Variants in C9orf153 observed in about 807,000 individuals in gnomAD.
C9orf153 encodes the protein uncharacterized protein C9orf153.
A neutral mutation model predicts 9.0 loss-of-function variants in C9orf153; 10 were observed. The ratio of observed to expected loss-of-function variants is 1.11; its 90% CI spans 0.69 to 1.89. C9orf153 has a LOEUF of 1.89. Among genes scored for constraint, C9orf153 ranks in the 40% most tolerant of loss-of-function variants. The probability of loss-of-function intolerance (pLI) is 0.00; values close to 1 mark genes in which losing one functional copy is unlikely to be tolerated. For synonymous variants in C9orf153, 35 were observed against 37.3 expected (o/e 0.94, Z 0.23); for missense variants, 108 against 111.0 (o/e 0.97, Z 0.12).
In C9orf153 at chr9:86,224,940, C is replaced by CAAAA. The variant is rs35723282; in HGVS notation, c.242+2911_242+2914dup. Among the ~76,000 whole-genome samples, 396 of 73,856 alleles carry CAAAA rather than the reference C, an allele frequency of 5.4e-3. 14 individuals carry two copies. Among genetic ancestry groups the CAAAA allele is most frequent in the African/African-American group, 0.021 (380 of 17,830 alleles). The allele number at this position is 73,856 out of a possible 152,430, so 48.5% of individuals were successfully genotyped here. ...TGGGCAACAGAGCGAGACTCCGTCTCAAAAAAAAAAAAAAAAAAAAGCATT... is the reference window on the plus strand; with the variant it reads ...TGGGCAACAGAGCGAGACTCCGTCTCAAAAAAAAAAAAAAAAAAAAAAAAGCATT... On this transcript the variant is annotated intron_variant, in intron 3 of 3. Transcript: ENST00000339137.
At chr9:86,251,942 C>CGA (rs1554686420) in intron 1 of C9orf153, among the ~76,000 whole-genome samples, 27 of 149,746 alleles carry the variant, frequency 1.8e-4, no homozygotes, top group African/African-American at 3.0e-4. Context: ...CACACACACA[C>CGA]GAGAGAGAGA....
chr9:86,224,125 G>A (rs549468031), intron 3 of C9orf153, among the ~76,000 whole-genome samples: 26 of 152,208 alleles, frequency 1.7e-4, no homozygotes, highest in Admixed American at 3.9e-4. Context: ...AGTGGCTCAC[G>A]CCTGTAATCC....
chr9:86,240,169 A>T (rs529564392), intron 1 of C9orf153, among the ~76,000 whole-genome samples: 4 of 152,162 alleles, frequency 2.6e-5, no homozygotes, highest in Non-Finnish European at 2.9e-5. Context: ...ATGTACAATT[A>T]TAATCCCCAT....
At chr9:86,233,324 A>C (rs996656338) in intron 1 of C9orf153, among the ~76,000 whole-genome samples, 19 of 152,204 alleles carry the variant, frequency 1.2e-4, no homozygotes, top group Non-Finnish European at 2.8e-4. Flanking sequence ...AATGACATTT[A>C]GCTTCCACCT....
intron 1 of C9orf153, among the ~76,000 whole-genome samples, chr9:86,245,005 C>T (rs1377758623): frequency 6.6e-6 from 1 of 152,188 alleles, no homozygotes. Context: ...CAGCTCACTG[C>T]AACCTCCGCC....
intron 1 of C9orf153, among the ~76,000 whole-genome samples, chr9:86,233,393 T>C (rs1406046070): frequency 6.6e-6 from 1 of 152,176 alleles, no homozygotes; most frequent in Non-Finnish European, 1.5e-5. Flanking sequence ...TTATCAATTC[T>C]AGTGTAGTTT....
At chr9:86,251,657 A>G (rs908796045) in intron 1 of C9orf153, among the ~76,000 whole-genome samples, 8 of 152,270 alleles carry the variant, frequency 5.3e-5, no homozygotes, top group African/African-American at 1.9e-4. Context: ...TAAAAAATAG[A>G]TAAACCTAAA....
intron 1 of C9orf153, among the ~76,000 whole-genome samples, chr9:86,243,674 ACATT>A (rs1333100379): frequency 1.3e-5 from 2 of 152,154 alleles, no homozygotes; most frequent in Non-Finnish European, 2.9e-5. Context: ...CCTGAATCTA[ACATT>A]CAGAGTCCAG....
chr9:86,254,363 A>C (rs1825063731), intron 1 of C9orf153, among the ~76,000 whole-genome samples: 1 of 152,214 alleles, frequency 6.6e-6, no homozygotes, highest in African/African-American at 2.4e-5. Context: ...TGGAATTATT[A>C]GAAATTAAAA....
chr9:86,238,596 GC>G (rs1350630457), intron 1 of C9orf153, among the ~76,000 whole-genome samples: 1 of 152,154 alleles, frequency 6.6e-6, no homozygotes, highest in East Asian at 1.9e-4. Flanking sequence ...GAGAGGGACT[GC>G]CCAAACAGTA....
intron 1 of C9orf153, among the ~76,000 whole-genome samples, chr9:86,252,552 C>T (rs1825020004): frequency 6.6e-6 from 1 of 152,142 alleles, no homozygotes; most frequent in African/African-American, 2.4e-5. Context: ...TTCTTGACCT[C>T]AAATGAACTT....
chr9:86,229,543 A>G lies in C9orf153; in HGVS notation c.61T>C (p.Cys21Arg). The G allele has an allele frequency of 1.2e-6, 2 of 1,606,992 alleles. No individual in the cohort carries two copies. The highest frequency in any genetic ancestry group is 2.2e-5 in the East Asian group (1 of 44,836). ...EDNREATLPQ[C>R]SLPELYACIE... ...GTACAATGTTAAGTACATACTGAACATTGAGGAAGGGTGGCTTCTCTATTG... is the reference window on the plus strand; with the variant it reads ...GTACAATGTTAAGTACATACTGAACGTTGAGGAAGGGTGGCTTCTCTATTG... The change falls in exon 2 of 4, where the codon TGT becomes CGT. Residue 21 changes from cysteine (C) to arginine (R), a missense_variant. Transcript: ENST00000339137.
At chr9:86,249,548 CT>C (rs369850072) in intron 1 of C9orf153, among the ~76,000 whole-genome samples, 2,134 of 128,368 alleles carry the variant, frequency 0.017, 25 homozygotes, top group African/African-American at 0.041. Context: ...CGTCTCCCAC[CT>C]TTTTTTTTTT....
intron 1 of C9orf153, among the ~76,000 whole-genome samples, chr9:86,257,731 G>A (rs1344304468): frequency 2.6e-5 from 4 of 152,190 alleles, no homozygotes; most frequent in Non-Finnish European, 5.9e-5. Context: ...TACTACTGCT[G>A]ATATAACAAC....
intron 1 of C9orf153, among the ~76,000 whole-genome samples, chr9:86,246,967 T>C (rs1167601237): frequency 6.6e-6 from 1 of 152,172 alleles, no homozygotes; most frequent in African/African-American, 2.4e-5. Flanking sequence ...CAGGGGACTG[T>C]GATCTGCACA....
chr9:86,236,548 CAAAAAAAAAAAAAA>C (rs976982879), intron 1 of C9orf153, among the ~76,000 whole-genome samples: 1 of 65,370 alleles, frequency 1.5e-5, no homozygotes, highest in Non-Finnish European at 3.3e-5. Flanking sequence ...GACTCCATCT[CAAAAAAAAAAAAAA>C]AAAAAGAAAA....
chr9:86,228,975 C>A, intron 2 of C9orf153: 1 of 272,036 alleles, frequency 3.7e-6, no homozygotes, highest in Non-Finnish European at 7.5e-6. Context: ...GTTACGCCAA[C>A]TTCAAGTAAG....
chr9:86,256,378 T>C lies in C9orf153; in HGVS notation c.-27+3172A>G, dbSNP rs1825123714. On this transcript the variant is annotated intron_variant, in intron 1 of 3. Transcript: ENST00000339137. ...TATAACCCAATAGCAATGATAAAGA[T>C]TGCAGACTTACTAAACAGAAATAAG... Among the ~76,000 whole-genome samples, 3 of 152,230 alleles carry C rather than the reference T, an allele frequency of 2.0e-5. No homozygotes were observed. The South Asian group carries it at 6.2e-4, about 32-fold the overall frequency.
chr9:86,244,438 C>A (rs1435307790), intron 1 of C9orf153, among the ~76,000 whole-genome samples: 1 of 152,152 alleles, frequency 6.6e-6, no homozygotes, highest in Non-Finnish European at 1.5e-5. Flanking sequence ...GACTTGCATT[C>A]TATTTCTATT....
Sources: allele counts gnomAD v4.1 joint callset (sites outside exome capture counted in the v4.1 genomes callset), GRCh38; gene constraint gnomAD v4.1.1; transcripts MANE v1.5; gene names NCBI Gene and HGNC (gene_info 2026-07-23, HGNC 2026-07-21).